FHIT: variants seen among roughly 807,000 people sequenced by gnomAD.
FHIT encodes the protein fragile histidine triad diadenosine triphosphatase.
A neutral mutation model predicts 17.9 loss-of-function variants in FHIT; 19 were observed. The observed-to-expected ratio is 1.06, with a 90% CI of 0.74 to 1.56. The LOEUF (loss-of-function observed/expected upper bound fraction) is 1.56, where lower values mean the gene tolerates loss of function less well. Ranked by LOEUF, FHIT falls within the 40% of genes most tolerant of loss-of-function variation. The pLI is 0.00. For missense variants in FHIT, 248 were observed against 189.2 expected (o/e 1.31, Z -1.82); for synonymous variants, 81 against 69.7 (o/e 1.16, Z -0.81).
intron 4 of FHIT, among the ~76,000 whole-genome samples, chr3:60,616,415 T>C (rs1173243198): frequency 3.9e-5 from 6 of 152,186 alleles, no homozygotes; most frequent in African/African-American, 7.2e-5. Context: ...TCCTCCATAC[T>C]CTTTGATTCT....
chr3:60,492,470 A>C (rs1393685135), intron 5 of FHIT, among the ~76,000 whole-genome samples: 2 of 152,104 alleles, frequency 1.3e-5, no homozygotes, highest in African/African-American at 4.8e-5. Context: ...ATAAACTAGT[A>C]AATGTGCAAT....
At chr3:60,326,808 T>C (rs1488883369) in intron 5 of FHIT, among the ~76,000 whole-genome samples, 1 of 152,176 alleles carries the variant, frequency 6.6e-6, no homozygotes, top group African/African-American at 2.4e-5. Flanking sequence ...GACCCACATC[T>C]CCCCATTGCT....
chr3:60,040,094 T>C (rs1194941948), intron 5 of FHIT, among the ~76,000 whole-genome samples: 2 of 152,154 alleles, frequency 1.3e-5, no homozygotes, highest in African/African-American at 2.4e-5. Flanking sequence ...CCAACAAAGA[T>C]AGTGTCAAAA....
intron 5 of FHIT, among the ~76,000 whole-genome samples, chr3:60,531,033 CAAG>C (rs547274652): frequency 1.8e-4 from 28 of 152,220 alleles, no homozygotes; most frequent in Non-Finnish European, 3.5e-4. Flanking sequence ...CAAATGAAGT[CAAG>C]AAAGAAATGT....
intron 5 of FHIT, among the ~76,000 whole-genome samples, chr3:60,410,464 C>T (rs1408388094): frequency 1.3e-5 from 2 of 152,092 alleles, no homozygotes; most frequent in Admixed American, 6.6e-5. Context: ...AAGGTTTTAT[C>T]GTGGATAAAA....
chr3:60,098,760 AAAC>A (rs1201394121), intron 5 of FHIT, among the ~76,000 whole-genome samples: 2 of 152,230 alleles, frequency 1.3e-5, no homozygotes, highest in African/African-American at 4.8e-5. Context: ...TATTGTAAGA[AAAC>A]AGTATATAAT....
chr3:60,329,570 G>A (rs976168416), intron 5 of FHIT, among the ~76,000 whole-genome samples: 3 of 152,212 alleles, frequency 2.0e-5, no homozygotes, highest in African/African-American at 7.2e-5. Flanking sequence ...ACAATCTATA[G>A]CATGGGAAAT....
intron 5 of FHIT, among the ~76,000 whole-genome samples, chr3:60,356,048 C>T (rs1425160248): frequency 6.6e-6 from 1 of 152,158 alleles, no homozygotes; most frequent in African/African-American, 2.4e-5. Flanking sequence ...CATGAAAGAA[C>T]ACTGTAGTTC....
intron 5 of FHIT, among the ~76,000 whole-genome samples, chr3:60,480,057 T>C (rs1235850411): frequency 2.6e-5 from 4 of 152,162 alleles, no homozygotes; most frequent in Non-Finnish European, 5.9e-5. Context: ...GAGGCTTAAT[T>C]GACTCACAGT....
At chr3:60,670,808 A>G (rs2040488419) in intron 4 of FHIT, among the ~76,000 whole-genome samples, 1 of 152,212 alleles carries the variant, frequency 6.6e-6, no homozygotes, top group Non-Finnish European at 1.5e-5. Context: ...TGGATTAAAC[A>G]GAGGGAATTT....
intron 4 of FHIT, among the ~76,000 whole-genome samples, chr3:60,668,673 T>TGA (rs2040439848): frequency 6.7e-6 from 1 of 149,128 alleles, no homozygotes; most frequent in African/African-American, 2.5e-5. Flanking sequence ...GCCATTCTCC[T>TGA]GCCTCAGCCT....
At chr3:60,268,376 C>T (rs771272218) in intron 5 of FHIT, among the ~76,000 whole-genome samples, 6 of 152,118 alleles carry the variant, frequency 3.9e-5, no homozygotes, top group Non-Finnish European at 7.4e-5. Context: ...CATAGCAGTT[C>T]ATTTGTCTAT....
chr3:60,242,883 G>A (rs909967288), intron 5 of FHIT, among the ~76,000 whole-genome samples: 1 of 151,832 alleles, frequency 6.6e-6, no homozygotes, highest in South Asian at 2.1e-4. Context: ...ATCTCCCCAA[G>A]CTTCTCCATC....
chr3:60,110,605 T>C (rs1020415113), intron 5 of FHIT, among the ~76,000 whole-genome samples: 1 of 152,166 alleles, frequency 6.6e-6, no homozygotes, highest in African/African-American at 2.4e-5. Context: ...TTACATCACC[T>C]CCGAGCCTCA....
intron 8 of FHIT, among the ~76,000 whole-genome samples, chr3:59,764,678 G>A (rs778941072): frequency 5.3e-5 from 8 of 152,014 alleles, no homozygotes; most frequent in East Asian, 3.9e-4. Flanking sequence ...CATCTGAAAC[G>A]CTATGCTTAC....
At chr3:59,895,558 T>A (rs1486811281) in intron 8 of FHIT, among the ~76,000 whole-genome samples, 1 of 152,150 alleles carries the variant, frequency 6.6e-6, no homozygotes, top group Admixed American at 6.6e-5. Flanking sequence ...TCATTCCCTA[T>A]CTTCCCTAGA....
At chr3:59,789,293 AT>A (rs1699450555) in intron 8 of FHIT, among the ~76,000 whole-genome samples, 1 of 152,150 alleles carries the variant, frequency 6.6e-6, no homozygotes, top group Non-Finnish European at 1.5e-5. Flanking sequence ...TATAACCCAC[AT>A]TTTTTATGGT....
intron 7 of FHIT, among the ~76,000 whole-genome samples, chr3:59,963,531 C>T (rs1333926780): frequency 6.6e-6 from 1 of 152,022 alleles, no homozygotes; most frequent in East Asian, 1.9e-4. Context: ...GAATCTCATT[C>T]AGTGGATAGG....
chr3:59,828,822 GT>G (rs1559641650), intron 8 of FHIT, among the ~76,000 whole-genome samples: 1 of 131,410 alleles, frequency 7.6e-6, no homozygotes, highest in African/African-American at 3.0e-5. Flanking sequence ...TTTTGTTTTT[GT>G]TTTTTTAACC....
Sources: allele counts gnomAD v4.1 joint callset (sites outside exome capture counted in the v4.1 genomes callset), GRCh38; gene constraint gnomAD v4.1.1; transcripts MANE v1.5; gene names NCBI Gene and HGNC (gene_info 2026-07-23, HGNC 2026-07-21).